Variants in RACK1 observed in about 807,000 individuals in gnomAD.
RACK1 encodes receptor for activated C kinase 1.
A neutral mutation model predicts 42.2 loss-of-function variants in RACK1; 3 were observed. The observed-to-expected ratio is 0.07, with a 90% CI of 0.03 to 0.18. RACK1 has a LOEUF of 0.18. Ranked by LOEUF, RACK1 falls within the 10% of genes least tolerant of loss-of-function variation. The pLI, the probability that RACK1 is intolerant of heterozygous loss-of-function variation, is 1.00. For missense variants in RACK1, 146 were observed against 403.2 expected (o/e 0.36, Z 5.46); for synonymous variants, 181 against 154.8 (o/e 1.17, Z -1.25).
Position 181,239,580 on chromosome 5 carries a change from A to G in RACK1, c.432T>C (p.Asp144=). 3 of 1,608,386 alleles carry G rather than the reference A, an allele frequency of 1.9e-6. No individual in the cohort carries two copies. The highest frequency in any genetic ancestry group is 2.2e-5 in the East Asian group (1 of 44,852). The stretch of plus-strand genomic sequence containing the variant: ...AAGACACCCACTCTGAGTGGCTCTC[A>G]TCCTACAGAAGATGGAAAGGAAATT... ...TLGVCKYTVQ[D]ESHSEWVSCV... is the part of the protein sequence containing the mutation. Residue 144 remains aspartate, a splice_region_variant and synonymous_variant, in exon 4 of 8, where the codon GAT becomes GAC. Coordinates refer to ENST00000512805, the MANE Select transcript of RACK1 (RefSeq NM_006098.5).
In RACK1 at chr5:181,238,207, T is replaced by C; in HGVS notation, c.669A>G (p.Glu223=). The C allele has an allele frequency of 6.2e-7, 1 of 1,613,906 alleles. No individual in the cohort carries two copies. Among genetic ancestry groups the C allele is most frequent in the Non-Finnish European group, 8.5e-7 (1 of 1,179,898 alleles). The change falls in exon 6 of 8, where the codon GAA becomes GAG. Residue 223 remains glutamate (E), a synonymous_variant. Coordinates refer to ENST00000512805, the MANE Select transcript of RACK1 (RefSeq NM_006098.5). ...DGQAMLWDLN[E]GKHLYTLDGG... ...CATCTAGCGTGTAAAGGTGTTTGCC[T>C]TCGTTGAGATCCCATAACATGGCCT...
chr5:181,237,183 C>T (rs1197873618), intron 7 of RACK1, 141 bp from the exon 8 acceptor site: 17 of 1,474,680 alleles, frequency 1.2e-5, no homozygotes, highest in African/African-American at 1.4e-5. Context: ...GATCCTGGCT[C>T]ACTACAGCCT....
intron 3 of RACK1, among the ~76,000 whole-genome samples, chr5:181,240,627 C>G (rs542368433): frequency 1.6e-4 from 24 of 152,220 alleles, no homozygotes; most frequent in African/African-American, 5.5e-4. Context: ...CCCAAATCCC[C>G]GATCCAGCCC....
At chr5:181,239,441 G>A in intron 4 of RACK1, 46 bp downstream of exon 4, 8 of 1,375,326 alleles carry the variant, frequency 5.8e-6, no homozygotes, top group Non-Finnish European at 8.3e-6. Flanking sequence ...GACCACCTGG[G>A]AGCACACCCT....
At chr5:181,239,657 CAGT>C in intron 3 of RACK1, 75 bp from the exon 4 acceptor site, 3 of 891,606 alleles carry the variant, frequency 3.4e-6, no homozygotes, top group Non-Finnish European at 5.5e-6. Flanking sequence ...CCCTACCCCT[CAGT>C]AGGATGATGG....
chr5:181,237,256 C>T (rs2770996), intron 7 of RACK1: 68,325 of 897,694 alleles, frequency 0.076, 6,179 homozygotes, highest in African/African-American at 0.33. Flanking sequence ...GCCACAACGC[C>T]GGGTAGACTG....
In RACK1 at chr5:181,239,452, G is replaced by A. The variant is rs764649817; in HGVS notation, c.525+35C>T. The A allele has an allele frequency of 7.4e-6, 11 of 1,479,692 alleles. No individual in the cohort carries two copies. In the East Asian group the frequency reaches 2.5e-4, roughly 33 times the overall value. The allele number at this position is 1,479,692 out of a possible 1,614,324, so 91.7% of individuals were successfully genotyped here. A position where few individuals can be genotyped will look rare whatever the true frequency, so the allele number is the denominator to read the frequency against. ...GTATGACCACCTGGGAGCACACCCT[G>A]ACTGGTAAAGCCCCTGCCTTGGCTT... is the stretch of plus-strand genomic sequence containing the variant. On this transcript the variant is annotated intron_variant, in intron 4 of 7. Transcript: ENST00000512805.
At chr5:181,242,479 C>A in intron 1 of RACK1, 134 bp from the exon 2 acceptor site, 1 of 672,658 alleles carries the variant, frequency 1.5e-6, no homozygotes, top group Non-Finnish European at 2.7e-6. Context: ...ATGGAAACAA[C>A]AGACAAGAGC....
intron 3 of RACK1, among the ~76,000 whole-genome samples, chr5:181,239,997 A>C (rs1759279162): frequency 6.6e-6 from 1 of 152,178 alleles, no homozygotes; most frequent in Non-Finnish European, 1.5e-5. Context: ...ATGAGCCAAG[A>C]TTGTGCCATT....
At chr5:181,242,863 T>A (rs1002759209) in intron 1 of RACK1, 11 of 330,272 alleles carry the variant, frequency 3.3e-5, no homozygotes, top group African/African-American at 2.4e-4. Context: ...CCAGCCTGTA[T>A]CCTGAGAACT....
chr5:181,242,826 T>TG, intron 1 of RACK1: 1 of 333,606 alleles, frequency 3.0e-6, no homozygotes, highest in Non-Finnish European at 5.9e-6. Flanking sequence ...TCCAAAGTGC[T>TG]GGGATTATAG....
intron 2 of RACK1, 40 bp from the exon 3 acceptor site, chr5:181,241,679 ACT>A (rs765474107): frequency 1.2e-5 from 20 of 1,605,112 alleles, no homozygotes; most frequent in Non-Finnish European, 1.4e-5. Context: ...CTTAGCAAAC[ACT>A]CTCATTCAAC....
At chr5:181,238,814 AAC>A in intron 5 of RACK1, 1 of 456,532 alleles carries the variant, frequency 2.2e-6, no homozygotes, top group Non-Finnish European at 3.9e-6. Context: ...AAAAACAAAA[AAC>A]AAACAAACAA....
chr5:181,237,711 C>T lies in RACK1; in HGVS notation c.786G>A (p.Glu262=). ...TCAGTTCATCTACAATGATCTTTCC[C>T]TCTAAATCCTGGGGAACAGGGCAAA... is the stretch of plus-strand genomic sequence containing the variant. The part of the protein sequence containing the change: ...TGPSIKIWDL[E]GKIIVDELKQ... Residue 262 remains glutamate, a synonymous_variant, in exon 7 of 8, where the codon GAG becomes GAA. Transcript: ENST00000512805. The T allele has an allele frequency of 1.3e-6, 2 of 1,592,326 alleles. No homozygotes were observed. The highest frequency in any genetic ancestry group is 1.7e-6 in the Non-Finnish European group (2 of 1,160,248).
At position 181,242,352 on chromosome 5, in the gene RACK1, G is replaced by A; in HGVS notation, c.110-7C>T. The A allele has an allele frequency of 6.2e-7, 1 of 1,602,244 alleles. No individual in the cohort carries two copies. The highest frequency in any genetic ancestry group is 8.5e-7 in the Non-Finnish European group (1 of 1,172,074). On this transcript the variant is annotated splice_region_variant and splice_polypyrimidine_tract_variant and intron_variant, in intron 1 of 7. Coordinates refer to ENST00000512805, the MANE Select transcript of RACK1 (RefSeq NM_006098.5). Reference sequence around the variant, plus strand: ...CACATGATGATGGTCTTATCTAAAGGAGGTAAAACAGAAGAAAAATCAGTG... The same window carrying A: ...CACATGATGATGGTCTTATCTAAAGAAGGTAAAACAGAAGAAAAATCAGTG...
At chr5:181,242,543 G>T in intron 1 of RACK1, 198 bp from the exon 2 acceptor site, 2 of 678,750 alleles carry the variant, frequency 2.9e-6, no homozygotes, top group Non-Finnish European at 5.4e-6. Context: ...GCACGTAGAG[G>T]TAAACTGTAC....
At position 181,243,686 on chromosome 5, in the gene RACK1, C is replaced by T. The variant is rs764723382; in HGVS notation, c.109+6G>A. The T allele has an allele frequency of 2.5e-6, 4 of 1,592,794 alleles. No homozygotes were observed. In the East Asian group the frequency reaches 6.8e-5, roughly 27 times the overall value. On this transcript the variant is annotated splice_donor_region_variant and intron_variant, in intron 1 of 7. Transcript: ENST00000512805. ...CTCGGGTCCTGAAATCTACCTTAGT[C>T]CGTACCTCGAGAGGCGGAGAGGATC...
chr5:181,238,424 A>G, intron 5 of RACK1, 185 bp from the exon 6 acceptor site: 1 of 589,648 alleles, frequency 1.7e-6, no homozygotes, highest in Non-Finnish European at 2.9e-6. Context: ...GACCTTACCA[A>G]CCCCATCAAA....
intron 4 of RACK1, 49 bp downstream of exon 4, chr5:181,239,438 T>C (rs1205911091): frequency 7.4e-7 from 1 of 1,353,172 alleles, no homozygotes; most frequent in Admixed American, 1.7e-5. Flanking sequence ...TATGACCACC[T>C]GGGAGCACAC....
Sources: gnomAD v4.1 joint callset for allele counts (sites outside exome capture counted in the v4.1 genomes callset) on GRCh38, gnomAD v4.1.1 for gene constraint, MANE v1.5 for transcripts, NCBI Gene and HGNC (gene_info 2026-07-23, HGNC 2026-07-21) for gene names.